Variants in WDR72 observed in about 807,000 individuals in gnomAD.
WDR72 encodes WD repeat-containing protein 72.
WDR72 carries 120 observed loss-of-function variants against 124.2 expected under a neutral mutation model. The observed-to-expected ratio is 0.97, with a 90% CI of 0.83 to 1.12. The LOEUF is 1.12. Ranked by LOEUF, WDR72 falls within the 50% of genes most tolerant of loss-of-function variation. The pLI is 0.00. For synonymous variants in WDR72, 452 were observed against 441.7 expected, an observed-to-expected ratio of 1.02 and a Z score of -0.29; for missense variants, 1,387 against 1,278.8, an observed-to-expected ratio of 1.08 and a Z score of -1.29.
intron 18 of WDR72, among the ~76,000 whole-genome samples, chr15:53,591,393 A>T (rs2012485914): frequency 6.6e-6 from 1 of 152,060 alleles, no homozygotes; most frequent in Non-Finnish European, 1.5e-5. Flanking sequence ...TAGGCACTGT[A>T]CAAAATAGCA....
chr15:53,673,173 G>A (rs936619521), intron 13 of WDR72, among the ~76,000 whole-genome samples: 1 of 152,044 alleles, frequency 6.6e-6, no homozygotes, highest in Non-Finnish European at 1.5e-5. Flanking sequence ...AACTCCCATT[G>A]ACATTTACTT....
rs766395504 is a variant in WDR72, at chr15:53,712,761, C to T, written c.711+11G>A. On this transcript the variant is annotated intron_variant, in intron 7 of 19. Transcript: ENST00000360509. Reference sequence around the variant, plus strand: ...TACATCACTGGTATTTATTATGTTACTTTATAATACCTTCCAACATTTAGA... The same window carrying T: ...TACATCACTGGTATTTATTATGTTATTTTATAATACCTTCCAACATTTAGA... 2.4e-5 allele frequency: 38 copies of T among 1,609,898 alleles called. No individual in the cohort carries two copies. The highest frequency in any genetic ancestry group is 3.2e-5 in the Non-Finnish European group (38 of 1,177,008).
intron 1 of WDR72, among the ~76,000 whole-genome samples, chr15:53,758,584 T>C (rs1377353955): frequency 6.6e-6 from 1 of 151,966 alleles, no homozygotes; most frequent in Admixed American, 6.6e-5. Context: ...AGTACTTGCA[T>C]GACAGAAGTG....
At chr15:53,635,700 G>C (rs550502365) in intron 14 of WDR72, among the ~76,000 whole-genome samples, 6 of 152,124 alleles carry the variant, frequency 3.9e-5, no homozygotes, top group Admixed American at 3.3e-4. Context: ...GGGGGATGGA[G>C]GGAGATGGGG....
intron 18 of WDR72, among the ~76,000 whole-genome samples, chr15:53,563,479 G>A (rs1462080676): frequency 6.6e-6 from 1 of 151,652 alleles, no homozygotes; most frequent in Non-Finnish European, 1.5e-5. Flanking sequence ...TTTTAATTTA[G>A]GATTGGGGGT....
Position 53,718,191 on chromosome 15 carries a change from T to C in WDR72, c.261-1506A>G, listed in dbSNP as rs930091983. ...GAGATTCTAATTCCATGACTCTGTG[T>C]TGGGATCCTGGCATGTGTGGTTTTG... On this transcript the variant is annotated intron_variant, in intron 3 of 19. Transcript: ENST00000360509. 3.4e-5 allele frequency among the ~76,000 whole-genome samples: 5 copies of C among 147,420 alleles called. No individual in the cohort carries two copies. The East Asian group carries it at 7.7e-4, about 23-fold the overall frequency.
intron 2 of WDR72, among the ~76,000 whole-genome samples, chr15:53,728,318 A>T (rs1213923920): frequency 6.6e-6 from 1 of 152,198 alleles, no homozygotes; most frequent in African/African-American, 2.4e-5. Context: ...CTTATGATTC[A>T]ATTATCTACC....
intron 14 of WDR72, among the ~76,000 whole-genome samples, chr15:53,647,419 A>G (rs1440450249): frequency 6.6e-6 from 1 of 152,150 alleles, no homozygotes; most frequent in Non-Finnish European, 1.5e-5. Context: ...TAGATCATCC[A>G]TAATTATAAC....
chr15:53,682,975 C>T (rs939472977), intron 13 of WDR72, among the ~76,000 whole-genome samples: 4 of 152,134 alleles, frequency 2.6e-5, no homozygotes, highest in Non-Finnish European at 5.9e-5. Flanking sequence ...AGGAAACTTA[C>T]AGTTATGGCA....
intron 9 of WDR72, among the ~76,000 whole-genome samples, chr15:53,706,759 T>C (rs2017392065): frequency 6.6e-6 from 1 of 152,086 alleles, no homozygotes. Flanking sequence ...ACTTGATTTC[T>C]GATTTCTCAA....
intron 13 of WDR72, among the ~76,000 whole-genome samples, chr15:53,690,671 G>C (rs547378190): frequency 7.2e-5 from 11 of 152,286 alleles, no homozygotes; most frequent in Middle Eastern, 3.4e-3. Flanking sequence ...TGATTTGTTA[G>C]ATTAACAGGA....
At chr15:53,720,421 T>C in intron 3 of WDR72, among the ~76,000 whole-genome samples, 1 of 152,328 alleles carries the variant, frequency 6.6e-6, no homozygotes, top group Admixed American at 6.5e-5. Context: ...TTGTCCAAAA[T>C]TCCTTCTTCC....
At chr15:53,687,953 G>C (rs1429371508) in intron 13 of WDR72, among the ~76,000 whole-genome samples, 6,060 of 147,862 alleles carry the variant, frequency 0.041, 413 homozygotes, top group African/African-American at 0.15. Context: ...CAGAGCCAAA[G>C]ACAAAAACCA....
chr15:53,562,590 A>G (rs1315617612), intron 18 of WDR72, among the ~76,000 whole-genome samples: 2 of 151,810 alleles, frequency 1.3e-5, no homozygotes, highest in East Asian at 3.9e-4. Flanking sequence ...CTTCATTACA[A>G]ATTTCCTCAA....
chr15:53,566,538 G>A (rs934371105), intron 18 of WDR72, among the ~76,000 whole-genome samples: 1 of 151,894 alleles, frequency 6.6e-6, no homozygotes, highest in Non-Finnish European at 1.5e-5. Flanking sequence ...GGAGGTAGGA[G>A]AACAGTCTAG....
chr15:53,688,600 G>A (rs2016727962), intron 13 of WDR72, among the ~76,000 whole-genome samples: 1 of 152,064 alleles, frequency 6.6e-6, no homozygotes, highest in South Asian at 2.1e-4. Context: ...CATGCTCATG[G>A]GTAGGAAGAA....
intron 18 of WDR72, among the ~76,000 whole-genome samples, chr15:53,532,233 G>T (rs1424937992): frequency 6.6e-6 from 1 of 152,114 alleles, no homozygotes; most frequent in Non-Finnish European, 1.5e-5. Context: ...GAACAGTATG[G>T]AGGTTTCTCA....
intron 18 of WDR72, among the ~76,000 whole-genome samples, chr15:53,556,855 GT>G (rs1475012048): frequency 6.6e-6 from 1 of 151,928 alleles, no homozygotes; most frequent in African/African-American, 2.4e-5. Context: ...ATGTGGAAAG[GT>G]TACACACTCA....
Position 53,515,053 on chromosome 15 carries a change from G to A in WDR72, c.*2646C>T, listed in dbSNP as rs1226169062. 12 of 138,198 alleles carry A rather than the reference G, an allele frequency of 8.7e-5. No individual in the cohort carries two copies. Among genetic ancestry groups the A allele is most frequent in the African/African-American group, 2.8e-4 (11 of 38,738 alleles). 8.6% of individuals were successfully genotyped at this position (138,198 alleles called of 1,614,324 possible). ...CACATATATATGTGTATATATATGT[G>A]TGTATATATATACACACATATATAT... On this transcript the variant is annotated 3_prime_UTR_variant, in exon 20 of 20. Coordinates refer to ENST00000360509, the MANE Select transcript of WDR72 (RefSeq NM_182758.4).
Sources: allele counts gnomAD v4.1 joint callset (sites outside exome capture counted in the v4.1 genomes callset), GRCh38; gene constraint gnomAD v4.1.1; transcripts MANE v1.5; gene names NCBI Gene and HGNC (gene_info 2026-07-23, HGNC 2026-07-21).